CNTNAP2: variants seen among roughly 807,000 people sequenced by gnomAD.
The protein encoded by CNTNAP2 is contactin-associated protein-like 2.
Under a neutral mutation model 155.2 loss-of-function variants are expected in CNTNAP2, and 98 were observed. The observed-to-expected ratio is 0.63, with a 90% CI of 0.54 to 0.75. The LOEUF (loss-of-function observed/expected upper bound fraction) is 0.75. Ranked by LOEUF, CNTNAP2 falls within the 30% of genes least tolerant of loss-of-function variation. CNTNAP2 has a pLI of 0.00. For synonymous variants in CNTNAP2, 651 were observed against 631.2 expected (o/e 1.03, Z -0.47); for missense variants, 1,727 against 1,688.1 (o/e 1.02, Z -0.40).
At chr7:146,151,658 A>ACG (rs1187229603) in intron 1 of CNTNAP2, among the ~76,000 whole-genome samples, 2 of 55,326 alleles carry the variant, frequency 3.6e-5, no homozygotes, top group East Asian at 7.6e-4. Context: ...ATATATATAT[A>ACG]TATATATATA....
intron 1 of CNTNAP2, among the ~76,000 whole-genome samples, chr7:146,691,545 A>G (rs969787544): frequency 1.3e-5 from 2 of 152,160 alleles, no homozygotes; most frequent in Non-Finnish European, 2.9e-5. Context: ...CACTCAAAGT[A>G]TGATTCTACT....
At chr7:148,160,363 A>T (rs1805496233) in intron 17 of CNTNAP2, among the ~76,000 whole-genome samples, 1 of 151,926 alleles carries the variant, frequency 6.6e-6, no homozygotes. Context: ...GTGAGCCGTG[A>T]TCACACTACT....
chr7:146,194,181 A>C (rs1192589824), intron 1 of CNTNAP2, among the ~76,000 whole-genome samples: 2 of 152,250 alleles, frequency 1.3e-5, no homozygotes, highest in Middle Eastern at 3.4e-3. Flanking sequence ...TTCCAAAGTC[A>C]CTTCCACATT....
At chr7:147,980,768 CAA>C (rs375398761) in intron 15 of CNTNAP2, among the ~76,000 whole-genome samples, 1 of 135,640 alleles carries the variant, frequency 7.4e-6, no homozygotes. Flanking sequence ...ACTAAAAATA[CAA>C]AAAAAAAAAA....
intron 16 of CNTNAP2, among the ~76,000 whole-genome samples, chr7:148,141,241 C>A (rs1432117820): frequency 6.6e-6 from 1 of 152,212 alleles, no homozygotes; most frequent in African/African-American, 2.4e-5. Context: ...TGCAATAAAG[C>A]AAAGGGAGAA....
chr7:146,396,284 T>A (rs1795625853), intron 1 of CNTNAP2, among the ~76,000 whole-genome samples: 3 of 152,146 alleles, frequency 2.0e-5, no homozygotes, highest in Admixed American at 2.0e-4. Context: ...TCAACAACTT[T>A]CCTAACTTGC....
chr7:147,639,070 A>G, intron 12 of CNTNAP2, 36 bp from the exon 13 acceptor site: 1 of 1,601,232 alleles, frequency 6.2e-7, no homozygotes, highest in Non-Finnish European at 8.6e-7. Flanking sequence ...TTTGCATACT[A>G]ATGATCCAGG....
At chr7:147,477,938 T>G (rs1798350588) in intron 10 of CNTNAP2, among the ~76,000 whole-genome samples, 1 of 152,224 alleles carries the variant, frequency 6.6e-6, no homozygotes, top group Non-Finnish European at 1.5e-5. Flanking sequence ...TTTTGCAATC[T>G]GAACCCAACC....
chr7:148,332,078 T>C (rs1798036776), intron 21 of CNTNAP2, among the ~76,000 whole-genome samples: 2 of 152,062 alleles, frequency 1.3e-5, no homozygotes, highest in African/African-American at 4.8e-5. Context: ...CTGTCATCGT[T>C]TTGTCAAATC....
intron 13 of CNTNAP2, among the ~76,000 whole-genome samples, chr7:147,654,609 A>G (rs977280465): frequency 6.6e-6 from 1 of 151,996 alleles, no homozygotes; most frequent in African/African-American, 2.4e-5. Flanking sequence ...GAAGTTTTGA[A>G]CCTCTCAAAC....
intron 1 of CNTNAP2, among the ~76,000 whole-genome samples, chr7:146,334,430 C>CAAAAAA (rs1179295401): frequency 1.1e-5 from 1 of 94,026 alleles, no homozygotes; most frequent in African/African-American, 4.1e-5. Flanking sequence ...GACTCCGTCT[C>CAAAAAA]AAAAAAAAAA....
At chr7:147,559,032 G>A (rs896786869) in intron 11 of CNTNAP2, among the ~76,000 whole-genome samples, 23 of 152,180 alleles carry the variant, frequency 1.5e-4, no homozygotes, top group East Asian at 3.9e-4. Context: ...CACCATGCCC[G>A]GCCTAATATT....
intron 13 of CNTNAP2, among the ~76,000 whole-genome samples, chr7:147,754,647 G>T (rs1189976219): frequency 6.6e-6 from 1 of 151,882 alleles, no homozygotes; most frequent in Non-Finnish European, 1.5e-5. Flanking sequence ...TGAGAATATG[G>T]GTTTTTAAAA....
At chr7:146,930,509 G>A (rs571318127) in intron 3 of CNTNAP2, among the ~76,000 whole-genome samples, 38 of 152,294 alleles carry the variant, frequency 2.5e-4, no homozygotes, top group African/African-American at 5.3e-4. Context: ...GACCATCGAT[G>A]CTAGGAAGAA....
At chr7:146,190,513 G>A (rs916380911) in intron 1 of CNTNAP2, among the ~76,000 whole-genome samples, 2 of 152,102 alleles carry the variant, frequency 1.3e-5, no homozygotes, top group Admixed American at 6.6e-5. Context: ...GCCCTTTCCA[G>A]AAAAATGTGC....
intron 1 of CNTNAP2, among the ~76,000 whole-genome samples, chr7:146,268,162 T>A (rs1800023818): frequency 6.6e-6 from 1 of 152,318 alleles, no homozygotes; most frequent in South Asian, 2.1e-4. Flanking sequence ...GGAGAACTTT[T>A]AACTTTGCCT....
At chr7:146,863,851 T>C (rs1795151529) in intron 3 of CNTNAP2, among the ~76,000 whole-genome samples, 1 of 152,082 alleles carries the variant, frequency 6.6e-6, no homozygotes, top group Admixed American at 6.6e-5. Context: ...AAAACACAAA[T>C]ATAAGGAGTA....
intron 18 of CNTNAP2, among the ~76,000 whole-genome samples, chr7:148,213,072 C>T (rs1795575304): frequency 6.6e-6 from 1 of 152,162 alleles, no homozygotes; most frequent in Non-Finnish European, 1.5e-5. Context: ...CTGATAAACG[C>T]ATCATGTCTC....
At chr7:146,967,883 G>C (rs1199531482) in intron 3 of CNTNAP2, among the ~76,000 whole-genome samples, 1 of 151,876 alleles carries the variant, frequency 6.6e-6, no homozygotes, top group African/African-American at 2.4e-5. Flanking sequence ...TCCCTGTCTT[G>C]TGCCAGTTTT....
Sources: allele counts gnomAD v4.1 joint callset (sites outside exome capture counted in the v4.1 genomes callset), GRCh38; gene constraint gnomAD v4.1.1; transcripts MANE v1.5; gene names NCBI Gene and HGNC (gene_info 2026-07-23, HGNC 2026-07-21).